LRRC37A2: variants seen among roughly 807,000 people sequenced by gnomAD.
LRRC37A2 encodes leucine rich repeat containing 37 member A2.
Under a neutral mutation model 68.8 loss-of-function variants are expected in LRRC37A2, and 9 were observed. The observed-to-expected ratio is 0.13, with a 90% CI of 0.08 to 0.23. LRRC37A2 has a LOEUF of 0.23. Ranked by LOEUF, LRRC37A2 falls within the 10% of genes least tolerant of loss-of-function variation. The pLI is 1.00. For missense variants in LRRC37A2, 168 were observed against 950.4 expected (o/e 0.18, Z 10.82); for synonymous variants, 63 against 367.6 (o/e 0.17, Z 9.48).
chr17:46,755,806 C>G, the LRRC37A2 span: 1 of 1,610,746 alleles, frequency 6.2e-7, no homozygotes, highest in Non-Finnish European at 8.5e-7. Flanking sequence ...TTGCAGTAGC[C>G]CCCTTGATTT....
At chr17:47,021,684 T>C in the LRRC37A2 span, 2 of 714,196 alleles carry the variant, frequency 2.8e-6, no homozygotes, top group Non-Finnish European at 4.6e-6. Context: ...CCCCGCATAA[T>C]TTCTTGATGA....
At chr17:46,779,103 A>ACACACACACACACCCCC in the LRRC37A2 span, among the ~76,000 whole-genome samples, 10 of 133,662 alleles carry the variant, frequency 7.5e-5, no homozygotes, top group East Asian at 5.1e-4. Flanking sequence ...ACACACACAC[A>ACACACACACACACCCCC]CCCCAGCCCA....
At chr17:46,983,707 CT>C in the LRRC37A2 span, among the ~76,000 whole-genome samples, 1 of 152,202 alleles carries the variant, frequency 6.6e-6, no homozygotes, top group Non-Finnish European at 1.5e-5. Context: ...TTATTTATTG[CT>C]ACATCACAAA....
chr17:46,438,435 A>C, the LRRC37A2 span, among the ~76,000 whole-genome samples: 2 of 57,388 alleles, frequency 3.5e-5, no homozygotes, highest in Non-Finnish European at 9.6e-5. Context: ...GAGACAAAAC[A>C]GACTGAAAGA....
the LRRC37A2 span, among the ~76,000 whole-genome samples, chr17:46,829,591 G>C: frequency 6.6e-6 from 1 of 152,178 alleles, no homozygotes; most frequent in Non-Finnish European, 1.5e-5. Flanking sequence ...TTTCGGGGAT[G>C]GAGGGGCACA....
At chr17:46,959,942 A>T in the LRRC37A2 span, among the ~76,000 whole-genome samples, 4 of 152,332 alleles carry the variant, frequency 2.6e-5, no homozygotes, top group Admixed American at 2.6e-4. Flanking sequence ...ACAGGACATC[A>T]TGGAGTGGAC....
the LRRC37A2 span, chr17:47,018,252 G>A: frequency 1.9e-6 from 3 of 1,611,618 alleles, no homozygotes; most frequent in Admixed American, 1.7e-5. Context: ...TATGGAGCAT[G>A]AACTTTCCAT....
At chr17:46,851,004 C>G in the LRRC37A2 span, among the ~76,000 whole-genome samples, 2 of 152,218 alleles carry the variant, frequency 1.3e-5, no homozygotes, top group African/African-American at 2.4e-5. The surrounding 1 kb of genome is among the most constrained non-coding windows in gnomAD (Gnocchi z 4.3). Context: ...TCCCCTCTGC[C>G]CAAGACTCTT....
At chr17:46,897,490 C>T in the LRRC37A2 span, among the ~76,000 whole-genome samples, 1 of 152,080 alleles carries the variant, frequency 6.6e-6, no homozygotes, top group Non-Finnish European at 1.5e-5. Flanking sequence ...AACTAGAACT[C>T]TAGGTTACCA....
the LRRC37A2 span, among the ~76,000 whole-genome samples, chr17:46,901,839 C>CT: frequency 7.1e-6 from 1 of 140,786 alleles, no homozygotes; most frequent in Non-Finnish European, 1.5e-5. Flanking sequence ...CAGAGTCTCA[C>CT]TCTGTCACCC....
chr17:46,936,426 T>A, the LRRC37A2 span: 1 of 985,398 alleles, frequency 1.0e-6, no homozygotes, highest in Non-Finnish European at 1.2e-6. Context: ...AGGGGAAGGC[T>A]GTGAGGTGGC....
chr17:46,872,810 G>A, the LRRC37A2 span: 1 of 1,488,512 alleles, frequency 6.7e-7, no homozygotes. Flanking sequence ...AGGGCTGGGG[G>A]AAGAAGCCTT....
chr17:47,004,201 A>G, the LRRC37A2 span, among the ~76,000 whole-genome samples: 1 of 152,326 alleles, frequency 6.6e-6, no homozygotes, highest in Admixed American at 6.5e-5. Context: ...GCGCCTTTAT[A>G]GCAGCATGAT....
chr17:46,678,988 A>G, the LRRC37A2 span, among the ~76,000 whole-genome samples: 1 of 151,462 alleles, frequency 6.6e-6, no homozygotes, highest in East Asian at 1.9e-4. Context: ...ACAGTTGTGA[A>G]TCTCACAAAT....
At chr17:46,718,184 G>T in the LRRC37A2 span, among the ~76,000 whole-genome samples, 1 of 152,182 alleles carries the variant, frequency 6.6e-6, no homozygotes. Context: ...CTTGGTGTTT[G>T]CTCTCCCCTG....
the LRRC37A2 span, among the ~76,000 whole-genome samples, chr17:46,985,207 C>T: frequency 6.6e-6 from 1 of 152,184 alleles, no homozygotes; most frequent in South Asian, 2.1e-4. Flanking sequence ...GCTCAGTTTA[C>T]CTACAGAGGT....
the LRRC37A2 span, among the ~76,000 whole-genome samples, chr17:46,718,890 A>G: frequency 6.6e-6 from 1 of 152,154 alleles, no homozygotes; most frequent in Non-Finnish European, 1.5e-5. Flanking sequence ...CCTTATGACA[A>G]ATTCTCAGAA....
the LRRC37A2 span, among the ~76,000 whole-genome samples, chr17:46,774,971 G>T: frequency 2.0e-5 from 3 of 152,314 alleles, no homozygotes; most frequent in South Asian, 4.1e-4. Flanking sequence ...GTCCAGCACT[G>T]ACCAAGGCTT....
the LRRC37A2 span, among the ~76,000 whole-genome samples, chr17:46,717,982 T>G: frequency 6.6e-6 from 1 of 152,200 alleles, no homozygotes; most frequent in Non-Finnish European, 1.5e-5. Context: ...CCAGATCTAC[T>G]TGGGGCTAGT....
Sources: allele counts gnomAD v4.1 joint callset (sites outside exome capture counted in the v4.1 genomes callset), GRCh38; gene constraint gnomAD v4.1.1; non-coding constraint Gnocchi (gnomAD v3.1); transcripts MANE v1.5; gene names NCBI Gene and HGNC (gene_info 2026-07-23, HGNC 2026-07-21).